TRAPPC12: variants seen among roughly 807,000 people sequenced by gnomAD.
TRAPPC12 encodes the protein TPR repeat protein 15.
A neutral mutation model predicts 69.2 loss-of-function variants in TRAPPC12; 61 were observed. The ratio of observed to expected loss-of-function variants is 0.88; its 90% CI spans 0.72 to 1.09. The LOEUF is 1.09. Ranked by LOEUF, TRAPPC12 falls within the 50% of genes least tolerant of loss-of-function variation. The probability of loss-of-function intolerance (pLI) is 0.00; values close to 1 mark genes in which losing one functional copy is unlikely to be tolerated. For synonymous variants in TRAPPC12, 469 were observed against 438.9 expected, an observed-to-expected ratio of 1.07 and a Z score of -0.86; for missense variants, 1,101 against 1,016.4, an observed-to-expected ratio of 1.08 and a Z score of -1.13.
At chr2:3,450,839 T>G (rs189767046) in intron 6 of TRAPPC12, among the ~76,000 whole-genome samples, 11 of 151,564 alleles carry the variant, frequency 7.3e-5, no homozygotes, top group African/African-American at 2.4e-4. Context: ...CTAGATGCCT[T>G]GGGAATAAAA....
At chr2:3,468,731 C>T (rs2103160530) in intron 9 of TRAPPC12, among the ~76,000 whole-genome samples, 1 of 152,354 alleles carries the variant, frequency 6.6e-6, no homozygotes, top group Middle Eastern at 3.4e-3. Context: ...GCACGAGGCC[C>T]TCCAGGATGG....
intron 7 of TRAPPC12, chr2:3,458,045 GGCC>G (rs1665266429): frequency 2.7e-6 from 1 of 367,084 alleles, no homozygotes; most frequent in Non-Finnish European, 3.1e-6. Flanking sequence ...CGGGGAGAGA[GGCC>G]TCTGCGTCGG....
intron 3 of TRAPPC12, among the ~76,000 whole-genome samples, chr2:3,421,299 G>T (rs1239001510): frequency 6.6e-6 from 1 of 152,216 alleles, no homozygotes; most frequent in Admixed American, 6.5e-5. Context: ...TTTCCATGTT[G>T]AAGCCGTAAC....
rs1176641212 is a variant in TRAPPC12, at chr2:3,465,642, T to C, written c.1723T>C (p.Tyr575His). 1.9e-6 allele frequency: 3 copies of C among 1,614,060 alleles called. No individual in the cohort carries two copies. Among genetic ancestry groups the C allele is most frequent in the Admixed American group, 3.3e-5 (2 of 60,008 alleles). ...GGCGTATCATTCGGTTATCAAGTAT[T>C]ACCCAGAGCAAGAGCCCCAGCTGCT... ...VEAYHSVIKY[Y>H]PEQEPQLLSG... The change falls in exon 9 of 12, where the codon TAC becomes CAC. Residue 575 changes from tyrosine to histidine, a missense_variant. Coordinates refer to ENST00000324266, the MANE Select transcript of TRAPPC12 (RefSeq NM_016030.6).
At chr2:3,422,213 A>G (rs1433951820) in intron 4 of TRAPPC12, among the ~76,000 whole-genome samples, 1 of 152,228 alleles carries the variant, frequency 6.6e-6, no homozygotes, top group Admixed American at 6.5e-5. Flanking sequence ...ACAAGTGCCC[A>G]CACTCAGTCT....
intron 2 of TRAPPC12, among the ~76,000 whole-genome samples, chr2:3,401,001 C>T (rs1661412823): frequency 6.6e-6 from 1 of 152,226 alleles, no homozygotes; most frequent in African/African-American, 2.4e-5. Flanking sequence ...TCAGATTCCA[C>T]GTCCAGTGTT....
rs754346205 is a variant in TRAPPC12, at chr2:3,388,190, C to T, written c.567C>T (p.Ser189=). The change falls in exon 2 of 12, where the codon AGC becomes AGT. Residue 189 remains serine (S), a synonymous_variant. Coordinates refer to ENST00000324266, the MANE Select transcript of TRAPPC12 (RefSeq NM_016030.6). ...AGTCGCCCAGCTTCGGTGGCGCCAG[C>T]GAGGCCTCGGCCAGGACACCGCCCC... ...MVKSPSFGGA[S]EASARTPPQV... 12 of 1,608,960 alleles carry T rather than the reference C, an allele frequency of 7.5e-6. No homozygotes were observed. The highest frequency in any genetic ancestry group is 1.0e-5 in the Non-Finnish European group (12 of 1,177,790).
intron 5 of TRAPPC12, among the ~76,000 whole-genome samples, chr2:3,431,804 A>G (rs1398419281): frequency 1.3e-5 from 2 of 152,214 alleles, no homozygotes; most frequent in Admixed American, 1.3e-4. Flanking sequence ...AAATGTTTAT[A>G]GTTTACACTT....
intron 3 of TRAPPC12, among the ~76,000 whole-genome samples, chr2:3,408,873 G>A (rs1010125713): frequency 2.6e-5 from 4 of 152,166 alleles, no homozygotes; most frequent in Non-Finnish European, 5.9e-5. Flanking sequence ...AGCACAGTGC[G>A]ACCTGACCAA....
rs1359350580 is a variant in TRAPPC12, at chr2:3,414,785, G to A, written c.1165-7096G>A. Among the ~76,000 whole-genome samples, 2 of 152,108 alleles carry A rather than the reference G, an allele frequency of 1.3e-5. No individual in the cohort carries two copies. The highest frequency in any genetic ancestry group is 3.9e-4 in the East Asian group (2 of 5,184). ...GAGACTCCCCACCCCTGTGCCACCG[G>A]TCTCGGTGTCTCCCACACTGGAGTG... On this transcript the variant is annotated intron_variant, in intron 3 of 11. Coordinates refer to ENST00000324266, the MANE Select transcript of TRAPPC12 (RefSeq NM_016030.6). The surrounding 1 kb of genome is among the most constrained non-coding windows in gnomAD (Gnocchi z 4.9).
At chr2:3,385,375 A>G (rs1660444403) in intron 1 of TRAPPC12, among the ~76,000 whole-genome samples, 1 of 152,138 alleles carries the variant, frequency 6.6e-6, no homozygotes, top group Admixed American at 6.5e-5. Flanking sequence ...GTTTGCAGGT[A>G]TTAATGAAAA....
intron 10 of TRAPPC12, 65 bp from the exon 11 acceptor site, chr2:3,478,781 G>T: frequency 7.0e-7 from 1 of 1,437,830 alleles, no homozygotes; most frequent in South Asian, 1.2e-5. Context: ...GCCCCTGTGG[G>T]TTGTGTTGGG....
chr2:3,471,177 A>T (rs1214624559), intron 9 of TRAPPC12, among the ~76,000 whole-genome samples: 2 of 152,226 alleles, frequency 1.3e-5, no homozygotes, highest in African/African-American at 4.8e-5. Flanking sequence ...TTCAAAACGT[A>T]TTCTACTTTT....
intron 5 of TRAPPC12, among the ~76,000 whole-genome samples, chr2:3,438,739 TTCCGCTG>T (rs1664032097): frequency 6.6e-6 from 1 of 152,066 alleles, no homozygotes; most frequent in South Asian, 2.1e-4. Context: ...GCATTTAGGG[TTCCGCTG>T]TCTTTTTCTG....
chr2:3,422,123 T>A, intron 4 of TRAPPC12, 129 bp downstream of exon 4: 1 of 734,278 alleles, frequency 1.4e-6, no homozygotes, highest in Non-Finnish European at 2.3e-6. Flanking sequence ...CTCTCCTAAT[T>A]ATATTGTATA....
In TRAPPC12 at chr2:3,450,317, G is replaced by A. The variant is rs377759350; in HGVS notation, c.1530+6426G>A. Reference sequence around the variant, plus strand: ...TTTGCCTTGCTTTTCTCGGCAGTATGTGTTCTGTCAATCTGTGATCTGAGT... The same window carrying A: ...TTTGCCTTGCTTTTCTCGGCAGTATATGTTCTGTCAATCTGTGATCTGAGT... On this transcript the variant is annotated intron_variant, in intron 6 of 11. Transcript: ENST00000324266. Among the ~76,000 whole-genome samples, 25 of 152,338 alleles carry A rather than the reference G, an allele frequency of 1.6e-4. No homozygotes were observed. In the South Asian group the frequency reaches 3.5e-3, roughly 21 times the overall value.
At chr2:3,417,953 G>C (rs1480538437) in intron 3 of TRAPPC12, among the ~76,000 whole-genome samples, 1 of 73,848 alleles carries the variant, frequency 1.4e-5, no homozygotes, top group Non-Finnish European at 2.4e-5. Flanking sequence ...TGAGGCAAGA[G>C]AATCACTTGA....
At chr2:3,405,979 G>C (rs766223509) in intron 3 of TRAPPC12, among the ~76,000 whole-genome samples, 5 of 152,106 alleles carry the variant, frequency 3.3e-5, no homozygotes, top group Non-Finnish European at 5.9e-5. Flanking sequence ...CCACAACCCT[G>C]CTTCTGTAAC....
intron 5 of TRAPPC12, among the ~76,000 whole-genome samples, chr2:3,427,602 G>C (rs900856522): frequency 6.6e-6 from 1 of 152,186 alleles, no homozygotes; most frequent in African/African-American, 2.4e-5. Flanking sequence ...AAAATATCCA[G>C]CTTGGCTGGG....
Sources: gnomAD v4.1 joint callset for allele counts (sites outside exome capture counted in the v4.1 genomes callset) on GRCh38, gnomAD v4.1.1 for gene constraint, Gnocchi (gnomAD v3.1) non-coding constraint, MANE v1.5 for transcripts, NCBI Gene and HGNC (gene_info 2026-07-23, HGNC 2026-07-21) for gene names.